ADK: variants seen among roughly 807,000 people sequenced by gnomAD.
ADK encodes adenosine kinase.
Under a neutral mutation model 44.7 loss-of-function variants are expected in ADK, and 24 were observed. The ratio of observed to expected loss-of-function variants is 0.54; its 90% CI spans 0.39 to 0.76. ADK has a LOEUF of 0.76. ADK is among the 30% of genes least tolerant of loss of function. The probability of loss-of-function intolerance (pLI) is 0.00; values close to 1 mark genes in which losing one functional copy is unlikely to be tolerated. For missense variants in ADK, 321 were observed against 425.1 expected (o/e 0.76, Z 2.15); for synonymous variants, 128 against 142.6 (o/e 0.90, Z 0.73).
intron 6 of ADK, among the ~76,000 whole-genome samples, chr10:74,407,351 A>C (rs936241930): frequency 6.6e-6 from 1 of 152,164 alleles, no homozygotes; most frequent in Non-Finnish European, 1.5e-5. Context: ...TATCTCTGAC[A>C]TTATAGTTTT....
intron 4 of ADK, among the ~76,000 whole-genome samples, chr10:74,351,360 A>T (rs947808173): frequency 3.9e-5 from 6 of 152,234 alleles, no homozygotes; most frequent in Non-Finnish European, 7.3e-5. Flanking sequence ...TCCTTTGATA[A>T]AATTAAACAT....
intron 1 of ADK, among the ~76,000 whole-genome samples, chr10:74,169,793 T>C (rs1461827440): frequency 1.3e-5 from 2 of 152,210 alleles, no homozygotes; most frequent in Non-Finnish European, 1.5e-5. Context: ...GCATTAAAAT[T>C]TATCAACTCC....
intron 7 of ADK, among the ~76,000 whole-genome samples, chr10:74,567,699 GTTT>G (rs56042541): frequency 3.2e-4 from 36 of 112,360 alleles, no homozygotes; most frequent in East Asian, 1.3e-3. Flanking sequence ...TGTTTTTTTT[GTTT>G]TTTTTTTTTT....
At chr10:74,199,604 G>A (rs1320006400) in intron 1 of ADK, among the ~76,000 whole-genome samples, 3 of 152,116 alleles carry the variant, frequency 2.0e-5, no homozygotes, top group Non-Finnish European at 2.9e-5. Context: ...GGGCACCTAA[G>A]TTGATTCCAT....
intron 9 of ADK, chr10:74,655,721 C>A: frequency 2.1e-6 from 1 of 486,034 alleles, no homozygotes; most frequent in East Asian, 5.3e-5. Context: ...TGAGCCTCAC[C>A]AAGGAGGAGG....
At chr10:74,580,608 G>T (rs949273804) in intron 7 of ADK, among the ~76,000 whole-genome samples, 2 of 149,960 alleles carry the variant, frequency 1.3e-5, no homozygotes, top group Non-Finnish European at 1.5e-5. Flanking sequence ...CCCTGCACAA[G>T]CTCTCTCTCT....
intron 7 of ADK, among the ~76,000 whole-genome samples, chr10:74,529,104 G>A (rs980398006): frequency 1.3e-5 from 2 of 152,002 alleles, no homozygotes; most frequent in Non-Finnish European, 2.9e-5. Flanking sequence ...TAAGATAGAA[G>A]CAAATCAAAT....
intron 3 of ADK, among the ~76,000 whole-genome samples, chr10:74,302,808 C>T (rs1840105187): frequency 1.3e-5 from 2 of 151,698 alleles, no homozygotes; most frequent in South Asian, 4.2e-4. Flanking sequence ...AAAAAGGAAA[C>T]GAATTTATAT....
At chr10:74,467,041 T>C (rs1038741508) in intron 6 of ADK, among the ~76,000 whole-genome samples, 2 of 152,158 alleles carry the variant, frequency 1.3e-5, no homozygotes, top group Admixed American at 6.6e-5. Context: ...TGTTTTTGTA[T>C]GATACAGAAG....
intron 1 of ADK, among the ~76,000 whole-genome samples, chr10:74,186,054 G>A (rs577865996): frequency 6.6e-6 from 1 of 151,688 alleles, no homozygotes; most frequent in South Asian, 2.1e-4. Flanking sequence ...TCACCATGTC[G>A]GCCAGGCTGC....
intron 3 of ADK, among the ~76,000 whole-genome samples, chr10:74,273,572 C>T (rs956660548): frequency 6.6e-6 from 1 of 152,074 alleles, no homozygotes; most frequent in Non-Finnish European, 1.5e-5. Flanking sequence ...ATTCTCCTGC[C>T]TTGGTCCCCT....
chr10:74,164,336 G>A lies in ADK; in HGVS notation c.65+12993G>A, dbSNP rs540385783. Among the ~76,000 whole-genome samples the A allele has an allele frequency of 6.6e-5, 10 of 152,308 alleles. No individual in the cohort carries two copies. In the South Asian group the frequency reaches 2.1e-3, roughly 32 times the overall value. On this transcript the variant is annotated intron_variant, in intron 1 of 10. Transcript: ENST00000539909. ...AGATCACTTGAGGTCAGGAGTTCGA[G>A]ACCAGCCTGGCCAACATGTTGAAAC...
intron 7 of ADK, among the ~76,000 whole-genome samples, chr10:74,544,883 G>T (rs1255841679): frequency 6.6e-6 from 1 of 151,228 alleles, no homozygotes; most frequent in Non-Finnish European, 1.5e-5. Flanking sequence ...AAACCGAGGA[G>T]TTTTTTCTTT....
intron 6 of ADK, among the ~76,000 whole-genome samples, chr10:74,466,676 T>C (rs12256590): frequency 0.045 from 6,914 of 152,200 alleles, 546 homozygotes; most frequent in African/African-American, 0.16. Flanking sequence ...TTGCTGAACA[T>C]TTTTTTGAGG....
At chr10:74,353,179 A>G (rs900165252) in intron 4 of ADK, among the ~76,000 whole-genome samples, 5 of 152,018 alleles carry the variant, frequency 3.3e-5, no homozygotes, top group African/African-American at 1.2e-4. Flanking sequence ...CCCGTCAATG[A>G]TAGATAGAGA....
Position 74,302,101 on chromosome 10 carries a change from G to GTTTTT in ADK, c.195-12563_195-12562insTTTTT, listed in dbSNP as rs1564642239. ...TTCTTTTCTTTTCTGTTTTTTTTTTGTTTGTTTGTTTTTTTTTTTTTTTTT... is the reference window on the plus strand; with the variant it reads ...TTCTTTTCTTTTCTGTTTTTTTTTTGTTTTTTTTGTTTGTTTTTTTTTTTTTTTTT... On this transcript the variant is annotated intron_variant, in intron 3 of 10. Coordinates refer to ENST00000539909, the MANE Select transcript of ADK (RefSeq NM_006721.4). Among the ~76,000 whole-genome samples, 10 of 11,692 alleles carry GTTTTT rather than the reference G, an allele frequency of 8.6e-4. 1 individual carries two copies. Among genetic ancestry groups the GTTTTT allele is most frequent in the African/African-American group, 2.5e-3 (9 of 3,532 alleles). 7.7% of individuals were successfully genotyped at this position (11,692 alleles called of 152,430 possible).
intron 9 of ADK, among the ~76,000 whole-genome samples, chr10:74,615,273 A>T (rs533010923): frequency 6.6e-6 from 1 of 152,262 alleles, no homozygotes; most frequent in East Asian, 1.9e-4. Context: ...TCATCCACTC[A>T]TTATGGTTAC....
At chr10:74,208,177 T>C (rs999220393) in intron 2 of ADK, among the ~76,000 whole-genome samples, 52 of 152,232 alleles carry the variant, frequency 3.4e-4, no homozygotes, top group African/African-American at 7.2e-5. Context: ...AAAGGGGGAC[T>C]TCCCGGGCCC....
At chr10:74,445,940 T>C (rs1157966700) in intron 6 of ADK, among the ~76,000 whole-genome samples, 2 of 152,062 alleles carry the variant, frequency 1.3e-5, no homozygotes, top group Non-Finnish European at 2.9e-5. Context: ...TAAATGGATG[T>C]TATATTTTGA....
Sources: gnomAD v4.1 joint callset for allele counts (sites outside exome capture counted in the v4.1 genomes callset) on GRCh38, gnomAD v4.1.1 for gene constraint, MANE v1.5 for transcripts, NCBI Gene and HGNC (gene_info 2026-07-23, HGNC 2026-07-21) for gene names.